CEPT1: variants seen among roughly 807,000 people sequenced by gnomAD.
CEPT1 encodes choline/ethanolaminephosphotransferase 1.
A neutral mutation model predicts 42.6 loss-of-function variants in CEPT1; 7 were observed. That is an observed-to-expected ratio of 0.16 (90% CI 0.09 to 0.31). The LOEUF (loss-of-function observed/expected upper bound fraction) is 0.31. CEPT1 is among the 10% of genes least tolerant of loss of function. The pLI is 1.00. For synonymous variants in CEPT1, 171 were observed against 171.9 expected (o/e 0.99, Z 0.04); for missense variants, 306 against 502.1 (o/e 0.61, Z 3.73).
intron 2 of CEPT1, among the ~76,000 whole-genome samples, chr1:111,157,398 A>G (rs1655627444): frequency 6.6e-6 from 1 of 152,258 alleles, no homozygotes; most frequent in Non-Finnish European, 1.5e-5. Context: ...GGTCCAATAT[A>G]GTAGCCATAG....
intron 4 of CEPT1, among the ~76,000 whole-genome samples, chr1:111,166,186 A>G (rs535859777): frequency 4.6e-4 from 70 of 152,342 alleles, no homozygotes; most frequent in Middle Eastern, 3.4e-3. Context: ...TAAAACAACC[A>G]TTTGTATTAA....
Position 111,167,753 on chromosome 1 carries a change from GTTGTGCTT to G in CEPT1, c.629+6461_629+6468del, listed in dbSNP as rs751422652. On this transcript the variant is annotated intron_variant, in intron 4 of 8. Coordinates refer to ENST00000357172, the MANE Select transcript of CEPT1 (RefSeq NM_006090.5). The stretch of plus-strand genomic sequence containing the variant: ...TTTTGCTTAATGTTTTTCACTCTTA[GTTGTGCTT>G]TTGAAACTAAATATCCTTAGCTTTT... 1,461 of 976,392 alleles carry G rather than the reference GTTGTGCTT, an allele frequency of 1.5e-3. 2 individuals carry two copies. Among genetic ancestry groups the G allele is most frequent in the Non-Finnish European group, 1.7e-3 (1,400 of 821,900 alleles). The allele number at this position is 976,392 out of a possible 1,614,324, so 60.5% of individuals were successfully genotyped here. A position where few individuals can be genotyped will look rare whatever the true frequency, so the allele number is the denominator to read the frequency against.
At chr1:111,156,085 G>A (rs1655554265) in intron 2 of CEPT1, among the ~76,000 whole-genome samples, 1 of 151,848 alleles carries the variant, frequency 6.6e-6, no homozygotes, top group African/African-American at 2.4e-5. Flanking sequence ...TATCTTGTAG[G>A]TTTTGGTATT....
chr1:111,153,462 A>G (rs2783446), intron 2 of CEPT1, among the ~76,000 whole-genome samples: 106,296 of 152,112 alleles, frequency 0.7, 37,652 homozygotes, highest in African/African-American at 0.82. Context: ...TGGATTACAG[A>G]TGTGAGCCAC....
upstream of CEPT1, chr1:111,139,500 C>A (rs1024632132): frequency 6.6e-6 from 1 of 152,256 alleles, no homozygotes; most frequent in Non-Finnish European, 1.5e-5. Context: ...CCAGAACTCA[C>A]AACAGGAACG....
Position 111,182,319 on chromosome 1 carries a change from G to A in CEPT1, c.846+1G>A. ...TGGCAAAAATGGATCAACAATAGCAGTAAGTATACCTTAAGATTTTCAACA... is the reference window on the plus strand; with the variant it reads ...TGGCAAAAATGGATCAACAATAGCAATAAGTATACCTTAAGATTTTCAACA... On this transcript the variant is annotated splice_donor_variant, in intron 6 of 8. Coordinates refer to ENST00000357172, the MANE Select transcript of CEPT1 (RefSeq NM_006090.5). LOFTEE classifies it high-confidence loss of function. The A allele has an allele frequency of 6.2e-7, 1 of 1,611,710 alleles. No homozygotes were observed. The highest frequency in any genetic ancestry group is 8.5e-7 in the Non-Finnish European group (1 of 1,179,034).
chr1:111,149,266 C>CTTTTTTTTTTTTT (rs775722606), intron 2 of CEPT1, among the ~76,000 whole-genome samples: 11,106 of 124,588 alleles, frequency 0.089, 832 homozygotes, highest in South Asian at 0.22. Context: ...GGTTTCTCCT[C>CTTTTTTTTTTTTT]TTTTTTTTTT....
At chr1:111,164,872 C>T (rs1231461505) in intron 4 of CEPT1, among the ~76,000 whole-genome samples, 1 of 151,580 alleles carries the variant, frequency 6.6e-6, no homozygotes, top group Non-Finnish European at 1.5e-5. Context: ...ATCTGCCCAC[C>T]TTGGCCTCCC....
chr1:111,170,658 A>G (rs546279587), intron 4 of CEPT1, among the ~76,000 whole-genome samples: 7 of 152,280 alleles, frequency 4.6e-5, no homozygotes, highest in African/African-American at 1.4e-4. Flanking sequence ...AGAATCTATA[A>G]TGAATGTCAT....
intron 8 of CEPT1, 39 bp from the exon 9 acceptor site, chr1:111,184,152 A>G: frequency 6.2e-7 from 1 of 1,606,580 alleles, no homozygotes; most frequent in Non-Finnish European, 8.5e-7. Flanking sequence ...GCTTAGGGAG[A>G]GCCTAAACGG....
intron 4 of CEPT1, among the ~76,000 whole-genome samples, chr1:111,165,101 G>C (rs1384049045): frequency 8.1e-6 from 1 of 123,952 alleles, no homozygotes; most frequent in Non-Finnish European, 1.6e-5. Flanking sequence ...CCAGGCTAGA[G>C]TGCAGTGGTG....
chr1:111,160,955 A>T, intron 3 of CEPT1, 200 bp from the exon 4 acceptor site: 2 of 234,592 alleles, frequency 8.5e-6, no homozygotes, highest in Non-Finnish European at 7.9e-6. Flanking sequence ...TGATTTGGTA[A>T]AAAAAAAAAA....
Position 111,184,333 on chromosome 1 carries a change from C to A in CEPT1, c.*23C>A. The A allele has an allele frequency of 1.3e-6, 2 of 1,584,356 alleles. No individual in the cohort carries two copies. The highest frequency in any genetic ancestry group is 1.7e-6 in the Non-Finnish European group (2 of 1,161,924). On this transcript the variant is annotated 3_prime_UTR_variant, in exon 9 of 9. Transcript: ENST00000357172. Reference sequence around the variant, plus strand: ...TAATGATGTAATTGGTATATAGGAACATCATGTTTTCTGCAGGAAAGAAAG... The same window carrying A: ...TAATGATGTAATTGGTATATAGGAAAATCATGTTTTCTGCAGGAAAGAAAG...
chr1:111,165,826 A>G (rs1436859196), intron 4 of CEPT1, among the ~76,000 whole-genome samples: 1 of 152,226 alleles, frequency 6.6e-6, no homozygotes, highest in Non-Finnish European at 1.5e-5. Context: ...TAGTTAAATG[A>G]AAAAAGTTAA....
rs987172321 is a variant in CEPT1, at chr1:111,182,846, A to G, written c.894A>G (p.Thr298=). The G allele has an allele frequency of 6.2e-7, 1 of 1,613,626 alleles. No homozygotes were observed. Among genetic ancestry groups the G allele is most frequent in the African/African-American group, 1.3e-5 (1 of 75,042 alleles). ...TTCTCCATATTGGATCAGTGATTACATTAGCTGCAATGATCTACAAGAAAT... is the reference window on the plus strand; with the variant it reads ...TTCTCCATATTGGATCAGTGATTACGTTAGCTGCAATGATCTACAAGAAAT... ...SPFLHIGSVI[T]LAAMIYKKSA... Residue 298 remains threonine (T), a synonymous_variant, in exon 7 of 9, where the codon ACA becomes ACG. Coordinates refer to ENST00000357172, the MANE Select transcript of CEPT1 (RefSeq NM_006090.5).
intron 8 of CEPT1, 30 bp downstream of exon 8, chr1:111,183,617 G>A (rs765228921): frequency 1.3e-6 from 2 of 1,586,542 alleles, no homozygotes; most frequent in Non-Finnish European, 1.7e-6. Flanking sequence ...TTATTTCATG[G>A]TTTGAGGGTT....
intron 4 of CEPT1, among the ~76,000 whole-genome samples, chr1:111,165,308 A>G (rs964610722): frequency 6.6e-6 from 1 of 151,990 alleles, no homozygotes. Flanking sequence ...TTGGCCTCCC[A>G]AAGTGCTGGG....
intron 1 of CEPT1, chr1:111,140,700 C>T (rs1654442724): frequency 6.6e-6 from 1 of 152,404 alleles, no homozygotes; most frequent in South Asian, 2.1e-4. Context: ...TTGTCAGGTC[C>T]ACACCCTCCT....
intron 5 of CEPT1, among the ~76,000 whole-genome samples, chr1:111,175,237 A>G (rs1053119621): frequency 2.6e-5 from 4 of 152,166 alleles, no homozygotes; most frequent in Non-Finnish European, 4.4e-5. Context: ...AGCAGACAGT[A>G]TAACAAGTTA....
Sources: gnomAD v4.1 joint callset for allele counts (sites outside exome capture counted in the v4.1 genomes callset) on GRCh38, gnomAD v4.1.1 for gene constraint, MANE v1.5 for transcripts, NCBI Gene and HGNC (gene_info 2026-07-23, HGNC 2026-07-21) for gene names.